Variants in RASGRF1 observed in about 807,000 individuals in gnomAD.
RASGRF1 encodes ras-specific guanine nucleotide-releasing factor 1.
A neutral mutation model predicts 138.7 loss-of-function variants in RASGRF1; 40 were observed. That is an observed-to-expected ratio of 0.29 (90% CI 0.22 to 0.38). The LOEUF is 0.38. Among genes scored for constraint, RASGRF1 ranks in the 10% least tolerant of loss-of-function variants. The pLI, the probability that RASGRF1 is intolerant of heterozygous loss-of-function variation, is 1.00. For synonymous variants in RASGRF1, 614 were observed against 663.2 expected, an observed-to-expected ratio of 0.93 and a Z score of 1.14; for missense variants, 1,108 against 1,650.4, an observed-to-expected ratio of 0.67 and a Z score of 5.69.
chr15:79,012,542 A>C (rs1385981502), intron 13 of RASGRF1: 1 of 1,614,102 alleles, frequency 6.2e-7, no homozygotes, highest in South Asian at 1.1e-5. Context: ...GAAGAAAACC[A>C]GGCTTTAGAT....
chr15:78,992,633 C>T (rs919562919), intron 20 of RASGRF1, among the ~76,000 whole-genome samples: 4 of 152,148 alleles, frequency 2.6e-5, no homozygotes, highest in African/African-American at 7.2e-5. Flanking sequence ...ACCTCAGGAC[C>T]ACCTGGGCCA....
At chr15:79,047,111 G>C (rs752053958) in intron 4 of RASGRF1, 112 bp from the exon 5 acceptor site, 7 of 1,329,800 alleles carry the variant, frequency 5.3e-6, no homozygotes, top group Non-Finnish European at 7.1e-6. Flanking sequence ...TTATTCCTAC[G>C]CCGGGCATGT....
At chr15:79,080,782 T>C (rs1234020812) in intron 1 of RASGRF1, among the ~76,000 whole-genome samples, 1 of 152,240 alleles carries the variant, frequency 6.6e-6, no homozygotes, top group Non-Finnish European at 1.5e-5. Flanking sequence ...ATCTAGTCTT[T>C]AGAGTATAAA....
intron 3 of RASGRF1, among the ~76,000 whole-genome samples, chr15:79,056,890 AGATAG>A (rs1413432413): frequency 3.3e-5 from 5 of 152,160 alleles, no homozygotes; most frequent in Non-Finnish European, 5.9e-5. Flanking sequence ...GAAATTCTTA[AGATAG>A]TTTTCTCTTT....
At chr15:79,002,975 C>CA (rs2056570176) in intron 15 of RASGRF1, among the ~76,000 whole-genome samples, 1 of 152,246 alleles carries the variant, frequency 6.6e-6, no homozygotes, top group African/African-American at 2.4e-5. Context: ...CTAACCGAGA[C>CA]AATGCTTGTG....
chr15:79,019,538 G>T (rs771871538), intron 11 of RASGRF1, among the ~76,000 whole-genome samples: 1 of 152,122 alleles, frequency 6.6e-6, no homozygotes, highest in South Asian at 2.1e-4. Flanking sequence ...AGGACCCTCA[G>T]CCCTGCAATC....
intron 1 of RASGRF1, among the ~76,000 whole-genome samples, chr15:79,082,155 T>TG (rs1365504606): frequency 6.6e-6 from 1 of 151,876 alleles, no homozygotes; most frequent in Non-Finnish European, 1.5e-5. Context: ...GGACTGGGGG[T>TG]GGGGGCACAG....
intron 3 of RASGRF1, among the ~76,000 whole-genome samples, chr15:79,053,497 C>T (rs954046397): frequency 1.3e-5 from 2 of 152,294 alleles, no homozygotes; most frequent in South Asian, 4.1e-4. Flanking sequence ...TGAAATCATG[C>T]CAAACTGAGC....
At chr15:79,031,093 C>T (rs1421897835) in intron 8 of RASGRF1, among the ~76,000 whole-genome samples, 2 of 152,212 alleles carry the variant, frequency 1.3e-5, no homozygotes, top group South Asian at 2.1e-4. Context: ...CACTGGAGAG[C>T]AGAGAGTGCC....
intron 23 of RASGRF1, chr15:78,981,701 T>G (rs189554035): frequency 6.6e-6 from 1 of 152,408 alleles, no homozygotes; most frequent in East Asian, 1.9e-4. Context: ...TTCAGTTCCA[T>G]GCCTTATCAA....
At chr15:79,084,035 C>T (rs563670904) in intron 1 of RASGRF1, among the ~76,000 whole-genome samples, 5 of 152,278 alleles carry the variant, frequency 3.3e-5, no homozygotes, top group South Asian at 2.1e-4. Flanking sequence ...TGGTGAAGGT[C>T]AAGCTTTTTA....
chr15:79,060,298 C>G (rs1056261601), intron 2 of RASGRF1, among the ~76,000 whole-genome samples: 2 of 152,242 alleles, frequency 1.3e-5, no homozygotes, highest in Non-Finnish European at 2.9e-5. Flanking sequence ...TGGGCTGACC[C>G]AGACCCCAGG....
chr15:79,081,715 T>G (rs535197361), intron 1 of RASGRF1, among the ~76,000 whole-genome samples: 2 of 152,270 alleles, frequency 1.3e-5, no homozygotes, highest in Non-Finnish European at 2.9e-5. Flanking sequence ...GGCTGTCCCC[T>G]CGCTGTATGG....
At chr15:78,992,334 C>T (rs946583375) in intron 20 of RASGRF1, among the ~76,000 whole-genome samples, 27 of 152,366 alleles carry the variant, frequency 1.8e-4, no homozygotes, top group African/African-American at 5.8e-4. Context: ...GGCCTTAGTC[C>T]GTGTCCCTGG....
chr15:79,052,113 C>T (rs1298080477), intron 3 of RASGRF1, among the ~76,000 whole-genome samples: 2 of 152,174 alleles, frequency 1.3e-5, no homozygotes, highest in African/African-American at 4.8e-5. Flanking sequence ...CACCTGGCTC[C>T]ATGCCTGGTG....
At chr15:78,992,540 G>A (rs968392998) in intron 20 of RASGRF1, among the ~76,000 whole-genome samples, 6 of 152,192 alleles carry the variant, frequency 3.9e-5, no homozygotes, top group Non-Finnish European at 7.3e-5. Flanking sequence ...CTGAGTGAGG[G>A]ATGCTGGAAG....
In RASGRF1 at chr15:79,032,504, C is replaced by T. The variant is rs1333589568; in HGVS notation, c.959-188G>A. ...CCCTATCCAGTGCTAGTAGGTGGGC[C>T]CCCATCATTGGGACCACATTAGAAT... is the stretch of plus-strand genomic sequence containing the variant. On this transcript the variant is annotated intron_variant, in intron 6 of 26. Transcript: ENST00000558480. The surrounding 1 kb of genome is among the most constrained non-coding windows in gnomAD (Gnocchi z 4.5). Among the ~76,000 whole-genome samples, 1 of 152,142 alleles carries T rather than the reference C, an allele frequency of 6.6e-6. No homozygotes were observed.
chr15:79,027,902 T>C lies in RASGRF1; in HGVS notation c.1263-43A>G, dbSNP rs2057082945. On this transcript the variant is annotated intron_variant, in intron 8 of 26. Transcript: ENST00000558480. This position sits in a 1 kb window ranked among gnomAD's most constrained non-coding sequence, Gnocchi z 4.8. ...TGCACAGTCAGAGACAGGCTGCCCC[T>C]ACTTCCCAGGGAGGCGAGAATGCCA... 3.1e-6 allele frequency: 5 copies of C among 1,598,024 alleles called. No homozygotes were observed.
chr15:79,074,209 ATTTAT>A (rs2057800833), intron 1 of RASGRF1, among the ~76,000 whole-genome samples: 1 of 152,194 alleles, frequency 6.6e-6, no homozygotes, highest in East Asian at 1.9e-4. Flanking sequence ...TATGGCTGGA[ATTTAT>A]TTTAAAGAGC....
Sources: gnomAD v4.1 joint callset for allele counts (sites outside exome capture counted in the v4.1 genomes callset) on GRCh38, gnomAD v4.1.1 for gene constraint, Gnocchi (gnomAD v3.1) non-coding constraint, MANE v1.5 for transcripts, NCBI Gene and HGNC (gene_info 2026-07-23, HGNC 2026-07-21) for gene names.